The following ARHGEF10 variants were observed in gnomAD, a reference collection of about 807,000 sequenced individuals.
ARHGEF10 encodes the protein Rho guanine nucleotide exchange factor 10.
ARHGEF10 carries 140 observed loss-of-function variants against 147.4 expected under a neutral mutation model. The ratio of observed to expected loss-of-function variants is 0.95; its 90% confidence interval spans 0.83 to 1.09. ARHGEF10 has a LOEUF of 1.09. Among genes scored for constraint, ARHGEF10 ranks in the 50% least tolerant of loss-of-function variants. The pLI is 0.00. For missense variants in ARHGEF10, 2,222 were observed against 1,752.7 expected, an observed-to-expected ratio of 1.27 and a Z score of -4.78; for synonymous variants, 902 against 695.8, an observed-to-expected ratio of 1.30 and a Z score of -4.67.
intron 26 of ARHGEF10, chr8:1,943,893 A>G (rs1336431585): frequency 6.6e-6 from 1 of 152,192 alleles, no homozygotes; most frequent in African/African-American, 2.4e-5. Flanking sequence ...TGACTCTAGA[A>G]TGGGCATTTT....
At chr8:1,941,903 T>C (rs908930083) in intron 26 of ARHGEF10, among the ~76,000 whole-genome samples, 1 of 152,192 alleles carries the variant, frequency 6.6e-6, no homozygotes, top group Non-Finnish European at 1.5e-5. Context: ...CTGGCACAAC[T>C]TCATTCTTCC....
At chr8:1,843,141 A>T (rs1250723635) in intron 1 of ARHGEF10, among the ~76,000 whole-genome samples, 2 of 152,252 alleles carry the variant, frequency 1.3e-5, no homozygotes, top group Non-Finnish European at 2.9e-5. Context: ...AGTCACTCCA[A>T]CACTGAGAAG....
intron 15 of ARHGEF10, 108 bp downstream of exon 15, chr8:1,898,633 C>A: frequency 9.3e-7 from 1 of 1,073,010 alleles, no homozygotes; most frequent in Non-Finnish European, 1.4e-6. Flanking sequence ...CTCGGGCCTC[C>A]TCATCTCCTC....
At chr8:1,882,462 T>G (rs1327946716) in intron 9 of ARHGEF10, among the ~76,000 whole-genome samples, 173 bp from the exon 10 acceptor site, 1 of 152,124 alleles carries the variant, frequency 6.6e-6, no homozygotes, top group East Asian at 1.9e-4. Flanking sequence ...TAAGGTCTGT[T>G]TTTTCCTTTT....
intron 17 of ARHGEF10, among the ~76,000 whole-genome samples, chr8:1,908,441 C>T (rs1332940566): frequency 2.6e-5 from 4 of 152,028 alleles, no homozygotes; most frequent in Non-Finnish European, 5.9e-5. Context: ...ACTGTGTTAG[C>T]CAGGATGGTC....
rs1812843244 is a variant in ARHGEF10, at chr8:1,928,371, A to C, written c.2698-56A>C. 4.5e-6 allele frequency: 7 copies of C among 1,549,798 alleles called. No homozygotes were observed. The Admixed American group carries it at 1.2e-4, about 26-fold the overall frequency. On this transcript the variant is annotated intron_variant, in intron 23 of 28. Transcript: ENST00000349830. ...GCCTTTAAGGGTCAGGTTCCAGCGT[A>C]TTATGGAAGCCGCCACATGGTCGTT... is the stretch of plus-strand genomic sequence containing the variant.
intron 1 of ARHGEF10, among the ~76,000 whole-genome samples, chr8:1,838,156 C>T (rs1292196171): frequency 2.0e-5 from 3 of 152,182 alleles, no homozygotes; most frequent in Admixed American, 6.5e-5. Context: ...CCGGGGGTGC[C>T]GGGGGTGCCT....
At chr8:1,834,011 C>G (rs1223582962) in intron 1 of ARHGEF10, among the ~76,000 whole-genome samples, 1 of 152,180 alleles carries the variant, frequency 6.6e-6, no homozygotes, top group South Asian at 2.1e-4. Context: ...TCCAGCCCTC[C>G]CGGGGAAGGG....
intron 7 of ARHGEF10, chr8:1,869,790 C>A (rs190269551): frequency 1.5e-5 from 3 of 200,618 alleles, no homozygotes; most frequent in Non-Finnish European, 3.1e-5. Context: ...ACATGGCTGC[C>A]TACACAGGAA....
chr8:1,835,171 C>G (rs1803505435), intron 1 of ARHGEF10, among the ~76,000 whole-genome samples: 1 of 152,142 alleles, frequency 6.6e-6, no homozygotes, highest in Non-Finnish European at 1.5e-5. Flanking sequence ...TTTGCAGGGC[C>G]ATGGAGGCCG....
At chr8:1,876,403 G>T in intron 7 of ARHGEF10, 168 bp from the exon 8 acceptor site, 1 of 711,654 alleles carries the variant, frequency 1.4e-6, no homozygotes. Context: ...TGGAGGCGCT[G>T]CACGGTGCCT....
intron 5 of ARHGEF10, 55 bp downstream of exon 5, chr8:1,864,491 C>A (rs926637438): frequency 1.3e-6 from 2 of 1,564,792 alleles, no homozygotes; most frequent in Non-Finnish European, 1.8e-6. Flanking sequence ...TCCTGAGGAG[C>A]TGGACGTGGG....
intron 18 of ARHGEF10, among the ~76,000 whole-genome samples, chr8:1,912,330 G>A (rs1811422671): frequency 6.6e-6 from 1 of 151,830 alleles, no homozygotes; most frequent in Non-Finnish European, 1.5e-5. Flanking sequence ...CATTTGCTGT[G>A]TGGTGTTAGA....
At chr8:1,900,168 CAAGT>C (rs1202065707) in intron 15 of ARHGEF10, among the ~76,000 whole-genome samples, 1 of 152,046 alleles carries the variant, frequency 6.6e-6, no homozygotes, top group Non-Finnish European at 1.5e-5. Flanking sequence ...TAAGTAACTA[CAAGT>C]AAGTAAGTAA....
chr8:1,857,085 T>C (rs1441533379), intron 2 of ARHGEF10, among the ~76,000 whole-genome samples: 3 of 152,232 alleles, frequency 2.0e-5, no homozygotes, highest in African/African-American at 4.8e-5. Flanking sequence ...AAATGTTTCT[T>C]ATCAAGCACT....
chr8:1,929,478 T>C, intron 25 of ARHGEF10, 35 bp downstream of exon 25: 1 of 1,579,402 alleles, frequency 6.3e-7, no homozygotes, highest in Non-Finnish European at 8.6e-7. Context: ...GGCCGGTCCT[T>C]GGGGTTCACT....
chr8:1,903,579 CG>C (rs1810655927), intron 16 of ARHGEF10, 128 bp downstream of exon 16: 3 of 1,265,764 alleles, frequency 2.4e-6, no homozygotes, highest in Admixed American at 2.0e-5. Context: ...AGTTCTTAAC[CG>C]GGGTGGATGG....
intron 18 of ARHGEF10, among the ~76,000 whole-genome samples, chr8:1,913,218 G>A (rs1312168830): frequency 2.0e-5 from 3 of 152,080 alleles, no homozygotes; most frequent in Non-Finnish European, 4.4e-5. Context: ...TGCTCTAGCC[G>A]GGCTCTGGCC....
At chr8:1,889,863 T>G in intron 11 of ARHGEF10, among the ~76,000 whole-genome samples, 1 of 137,688 alleles carries the variant, frequency 7.3e-6, no homozygotes, top group African/African-American at 3.0e-5. Context: ...GAGGAGACAC[T>G]GAGTGTGGTG....
Sources: allele counts gnomAD v4.1 joint callset (sites outside exome capture counted in the v4.1 genomes callset), GRCh38; gene constraint gnomAD v4.1.1; transcripts MANE v1.5; gene names NCBI Gene and HGNC (gene_info 2026-07-23, HGNC 2026-07-21).